Variants in TGFB2 observed in about 807,000 individuals in gnomAD.
The protein encoded by TGFB2 is transforming growth factor beta 2.
Under a neutral mutation model 42.7 loss-of-function variants are expected in TGFB2, and 13 were observed. The ratio of observed to expected loss-of-function variants is 0.30; its 90% confidence interval spans 0.20 to 0.48. TGFB2 has a LOEUF of 0.48. Among genes scored for constraint, TGFB2 ranks in the 20% least tolerant of loss-of-function variants. TGFB2 has a pLI of 0.99. For synonymous variants in TGFB2, 193 were observed against 193.6 expected (o/e 1.00, Z 0.03); for missense variants, 390 against 517.5 (o/e 0.75, Z 2.39).
chr1:218,426,004 T>C (rs1659610745), intron 2 of TGFB2, among the ~76,000 whole-genome samples: 1 of 152,218 alleles, frequency 6.6e-6, no homozygotes, highest in South Asian at 2.1e-4. Context: ...ATTTAAACAC[T>C]GAACACACTT....
At position 218,346,474 on chromosome 1, in the gene TGFB2, G is replaced by C. The variant is rs885829; in HGVS notation, c.-228G>C. On this transcript the variant is annotated 5_prime_UTR_variant, in exon 1 of 7. Coordinates refer to ENST00000366930, the MANE Select transcript of TGFB2 (RefSeq NM_003238.6). This position sits in a 1 kb window ranked among gnomAD's most constrained non-coding sequence, Gnocchi z 4.9. ...AGTCAGGGTTCCCTCTGCCCGTCCC[G>C]TATTAATATTTCCACTTTTGGAACT... The C allele has an allele frequency of 1.1e-5, 5 of 474,840 alleles. No homozygotes were observed. The South Asian group carries it at 1.8e-4, about 17-fold the overall frequency. 29.4% of individuals were successfully genotyped at this position (474,840 alleles called of 1,614,324 possible).
chr1:218,394,491 A>G (rs1248681164), intron 1 of TGFB2, among the ~76,000 whole-genome samples: 1 of 152,090 alleles, frequency 6.6e-6, no homozygotes, highest in Non-Finnish European at 1.5e-5. Context: ...TGCGCAGTGT[A>G]AGAAGGAGCC....
At chr1:218,387,902 A>G (rs1316974935) in intron 1 of TGFB2, among the ~76,000 whole-genome samples, 1 of 152,192 alleles carries the variant, frequency 6.6e-6, no homozygotes, top group Non-Finnish European at 1.5e-5. Flanking sequence ...GATATTTGAA[A>G]GGGTTCACCA....
intron 1 of TGFB2, among the ~76,000 whole-genome samples, chr1:218,364,769 T>C (rs1192632064): frequency 1.3e-5 from 2 of 152,208 alleles, no homozygotes; most frequent in Non-Finnish European, 2.9e-5. Flanking sequence ...GTTGAGAATA[T>C]ACGTTGATTT....
At chr1:218,385,653 G>A (rs946618291) in intron 1 of TGFB2, among the ~76,000 whole-genome samples, 2 of 152,200 alleles carry the variant, frequency 1.3e-5, no homozygotes, top group African/African-American at 4.8e-5. Context: ...CTGGTGAGGG[G>A]CTCATGAGAT....
At chr1:218,409,883 T>C (rs1482495612) in intron 2 of TGFB2, among the ~76,000 whole-genome samples, 1 of 152,222 alleles carries the variant, frequency 6.6e-6, no homozygotes, top group Non-Finnish European at 1.5e-5. Flanking sequence ...ATTAGGACTC[T>C]TCAGGACACT....
At chr1:218,395,112 G>T (rs1658458862) in intron 1 of TGFB2, among the ~76,000 whole-genome samples, 1 of 152,100 alleles carries the variant, frequency 6.6e-6, no homozygotes, top group African/African-American at 2.4e-5. Context: ...GAAATGAGGG[G>T]GTTTGTTCTC....
intron 2 of TGFB2, among the ~76,000 whole-genome samples, chr1:218,430,137 G>A (rs182920064): frequency 1.6e-4 from 24 of 152,184 alleles, no homozygotes; most frequent in East Asian, 3.9e-4. Flanking sequence ...GAGGCCGGGC[G>A]TGGTAGCTCA....
chr1:218,419,863 T>A (rs1340460323), intron 2 of TGFB2, among the ~76,000 whole-genome samples: 1 of 152,228 alleles, frequency 6.6e-6, no homozygotes, highest in Non-Finnish European at 1.5e-5. Flanking sequence ...TAAAATTATG[T>A]AATAAATTAA....
Position 218,442,561 on chromosome 1 carries a change from T to C in TGFB2, c.*1199T>C, listed in dbSNP as rs1660189264. ...CCAGTACTTTTGAGTAAAGCCCCTA[T>C]AGTTTGACTTGCACTACAAATGCAT... On this transcript the variant is annotated 3_prime_UTR_variant, in exon 7 of 7. Coordinates refer to ENST00000366930, the MANE Select transcript of TGFB2 (RefSeq NM_003238.6). 1 of 152,084 alleles carries C rather than the reference T, an allele frequency of 6.6e-6. No homozygotes were observed. The highest frequency in any genetic ancestry group is 1.5e-5 in the Non-Finnish European group (1 of 67,970). 9.4% of individuals were successfully genotyped at this position (152,084 alleles called of 1,614,324 possible). A position where few individuals can be genotyped will look rare whatever the true frequency, so the allele number is the denominator to read the frequency against.
intron 1 of TGFB2, chr1:218,363,211 T>C: frequency 1.2e-6 from 1 of 832,760 alleles, no homozygotes; most frequent in South Asian, 1.7e-5. Context: ...GCAGGGACCT[T>C]ATTTCTGGGG....
chr1:218,415,584 A>G (rs531403021), intron 2 of TGFB2, among the ~76,000 whole-genome samples: 121 of 150,652 alleles, frequency 8.0e-4, no homozygotes, highest in Non-Finnish European at 1.5e-3. Context: ...AATCCCAGCT[A>G]CTCAGGAGGC....
chr1:218,427,323 TTTC>T lies in TGFB2; in HGVS notation c.511-6753_511-6751del, dbSNP rs938022281. Among the ~76,000 whole-genome samples, 298 of 152,212 alleles carry T rather than the reference TTTC, an allele frequency of 2.0e-3. 3 individuals are homozygous for T. Among genetic ancestry groups the T allele is most frequent in the African/African-American group, 6.9e-3 (287 of 41,544 alleles). ...TCTAACCTCTATTCTGCTTCTTTTT[TTTC>T]TTCTTATTTATTTATTTTATTATTA... On this transcript the variant is annotated intron_variant, in intron 2 of 6. Transcript: ENST00000366930.
At position 218,366,791 on chromosome 1, in the gene TGFB2, C is replaced by T. The variant is rs574860496; in HGVS notation, c.346+19744C>T. 6.6e-4 allele frequency among the ~76,000 whole-genome samples: 101 copies of T among 152,274 alleles called. 1 individual carries two copies. Among genetic ancestry groups the T allele is most frequent in the African/African-American group, 2.4e-3 (100 of 41,550 alleles). On this transcript the variant is annotated intron_variant, in intron 1 of 6. Transcript: ENST00000366930. ...GACGTCACTAAAGTTTGCAGCTGCTCAAGTCAAAGGATGCTCTGATTATGC... is the reference window on the plus strand; with the variant it reads ...GACGTCACTAAAGTTTGCAGCTGCTTAAGTCAAAGGATGCTCTGATTATGC...
chr1:218,364,245 A>G (rs770159378), intron 1 of TGFB2, among the ~76,000 whole-genome samples: 1 of 152,188 alleles, frequency 6.6e-6, no homozygotes, highest in South Asian at 2.1e-4. Flanking sequence ...TGAGCTTGCC[A>G]CTTGCTCAAA....
intron 1 of TGFB2, among the ~76,000 whole-genome samples, chr1:218,373,423 T>C (rs1657636350): frequency 6.6e-6 from 1 of 151,756 alleles, no homozygotes; most frequent in Non-Finnish European, 1.5e-5. Context: ...ATTAGTAATA[T>C]GATTAGTAAT....
intron 1 of TGFB2, among the ~76,000 whole-genome samples, chr1:218,362,455 A>G (rs1346436030): frequency 6.6e-6 from 1 of 152,210 alleles, no homozygotes; most frequent in Non-Finnish European, 1.5e-5. Context: ...TTTCAATTTT[A>G]TAAAAACCCT....
intron 1 of TGFB2, among the ~76,000 whole-genome samples, chr1:218,371,169 C>T (rs1571844266): frequency 2.0e-5 from 3 of 152,168 alleles, no homozygotes; most frequent in Admixed American, 2.0e-4. Context: ...CCTAATGTGG[C>T]ACGTGCCTGT....
At chr1:218,394,560 C>T (rs145808609) in intron 1 of TGFB2, among the ~76,000 whole-genome samples, 1 of 152,060 alleles carries the variant, frequency 6.6e-6, no homozygotes, top group Non-Finnish European at 1.5e-5. Flanking sequence ...AAGGCCAAGT[C>T]ACGTAAGCTG....
Sources: allele counts gnomAD v4.1 joint callset (sites outside exome capture counted in the v4.1 genomes callset), GRCh38; gene constraint gnomAD v4.1.1; non-coding constraint Gnocchi (gnomAD v3.1); transcripts MANE v1.5; gene names NCBI Gene and HGNC (gene_info 2026-07-23, HGNC 2026-07-21).